The following NEBL variants were observed in gnomAD, a reference collection of about 807,000 sequenced individuals.
NEBL encodes LIM and SH3 protein 2.
Under a neutral mutation model 140.2 loss-of-function variants are expected in NEBL, and 122 were observed. The observed-to-expected ratio is 0.87, with a 90% confidence interval of 0.75 to 1.01. The LOEUF is 1.01. Ranked by LOEUF, NEBL falls within the 50% of genes least tolerant of loss-of-function variation. NEBL has a pLI of 0.00. For synonymous variants in NEBL, 436 were observed against 398.9 expected (o/e 1.09, Z -1.11); for missense variants, 1,365 against 1,231.3 (o/e 1.11, Z -1.62).
At chr10:21,103,290 T>A (rs186143097) in intron 2 of NEBL, among the ~76,000 whole-genome samples, 1 of 151,086 alleles carries the variant, frequency 6.6e-6, no homozygotes, top group African/African-American at 2.4e-5. Context: ...CTCGGCCCAC[T>A]GCAAGCTCCG....
At chr10:21,046,136 A>G (rs557538865) in intron 2 of NEBL, among the ~76,000 whole-genome samples, 89 of 152,340 alleles carry the variant, frequency 5.8e-4, no homozygotes, top group Admixed American at 4.7e-3. Context: ...GCACAGAAAG[A>G]TAAATACCAC....
intron 3 of NEBL, among the ~76,000 whole-genome samples, chr10:21,206,979 T>C (rs1247972603): frequency 1.4e-5 from 2 of 144,298 alleles, no homozygotes; most frequent in South Asian, 2.2e-4. Context: ...TTTTTTTTTT[T>C]TTTTTTTTTT....
intron 2 of NEBL, among the ~76,000 whole-genome samples, chr10:21,064,740 T>G (rs984674643): frequency 6.6e-6 from 1 of 152,150 alleles, no homozygotes; most frequent in Non-Finnish European, 1.5e-5. Flanking sequence ...TAATTAGAAA[T>G]GCAATGTAAA....
At chr10:21,100,105 C>T (rs977178295) in intron 2 of NEBL, among the ~76,000 whole-genome samples, 1 of 152,186 alleles carries the variant, frequency 6.6e-6, no homozygotes, top group Non-Finnish European at 1.5e-5. Flanking sequence ...CCCACTCAGT[C>T]AAAAACTTCC....
At chr10:21,091,190 G>A (rs1004481889) in intron 2 of NEBL, among the ~76,000 whole-genome samples, 13 of 152,100 alleles carry the variant, frequency 8.5e-5, no homozygotes, top group Non-Finnish European at 4.4e-5. Context: ...AAACAAGTTC[G>A]TGTTTCACAT....
At chr10:21,083,748 G>C (rs538858784) in intron 2 of NEBL, among the ~76,000 whole-genome samples, 3 of 152,320 alleles carry the variant, frequency 2.0e-5, no homozygotes, top group Admixed American at 1.3e-4. Context: ...AGGAGGCTGA[G>C]GCAAGAGGAT....
intron 3 of NEBL, among the ~76,000 whole-genome samples, chr10:20,990,948 T>C (rs1837432480): frequency 1.3e-5 from 2 of 152,152 alleles, no homozygotes; most frequent in African/African-American, 4.8e-5. Flanking sequence ...CACTACTCAG[T>C]CCACAAACCT....
chr10:20,799,898 C>A (rs149323613), intron 26 of NEBL, among the ~76,000 whole-genome samples: 4 of 151,760 alleles, frequency 2.6e-5, no homozygotes, highest in Non-Finnish European at 4.4e-5. Context: ...TATAGTGAAG[C>A]AAATTATCAT....
chr10:20,992,492 G>T (rs1395036199), intron 3 of NEBL, among the ~76,000 whole-genome samples: 1 of 152,154 alleles, frequency 6.6e-6, no homozygotes, highest in African/African-American at 2.4e-5. Context: ...GGGCTCAAGG[G>T]TGGCACAGGC....
chr10:21,168,779 T>C (rs1004635043), intron 2 of NEBL, among the ~76,000 whole-genome samples: 16 of 151,836 alleles, frequency 1.1e-4, no homozygotes, highest in Admixed American at 2.6e-4. Context: ...CCGGGCGCGG[T>C]GGCTCATGCC....
chr10:20,827,720 C>T (rs558808876), intron 17 of NEBL, among the ~76,000 whole-genome samples: 20 of 152,244 alleles, frequency 1.3e-4, no homozygotes, highest in African/African-American at 3.9e-4. Flanking sequence ...GGTACATATA[C>T]ACCACAGAAT....
intron 4 of NEBL, among the ~76,000 whole-genome samples, chr10:20,938,278 C>G (rs973762053): frequency 6.6e-6 from 1 of 152,224 alleles, no homozygotes; most frequent in Non-Finnish European, 1.5e-5. Flanking sequence ...ATTTGCTGCT[C>G]ACCAATGTCT....
At chr10:20,973,814 A>C (rs1428267633) in intron 3 of NEBL, among the ~76,000 whole-genome samples, 1 of 152,214 alleles carries the variant, frequency 6.6e-6, no homozygotes, top group Non-Finnish European at 1.5e-5. Flanking sequence ...AAACTCTAAG[A>C]CATCAAACTT....
At chr10:20,910,593 C>G (rs905702569) in intron 4 of NEBL, among the ~76,000 whole-genome samples, 2 of 152,136 alleles carry the variant, frequency 1.3e-5, no homozygotes, top group Non-Finnish European at 2.9e-5. Flanking sequence ...GGAAGGGCCA[C>G]ATTTGGGGTG....
intron 26 of NEBL, among the ~76,000 whole-genome samples, chr10:20,796,409 T>A (rs1482815789): frequency 6.8e-6 from 1 of 147,546 alleles, no homozygotes; most frequent in Non-Finnish European, 1.5e-5. Flanking sequence ...TCTAAAATAT[T>A]ATCTTGGGGA....
rs555194615 is a variant in NEBL, at chr10:21,283,332, G to A, written n.182+9498C>T. ...AAAGGGGAGGCATGAATAATCCACC[G>A]CTTGTTTAGCATATCATCAAGAAAT... On this transcript the variant is annotated intron_variant and non_coding_transcript_variant, in intron 1 of 8. Transcript: ENST00000675702. 5.3e-5 allele frequency among the ~76,000 whole-genome samples: 8 copies of A among 152,206 alleles called. No homozygotes were observed. The South Asian group carries it at 1.0e-3, about 20-fold the overall frequency.
intron 2 of NEBL, among the ~76,000 whole-genome samples, chr10:21,081,921 T>A (rs934307233): frequency 6.6e-6 from 1 of 152,064 alleles, no homozygotes; most frequent in African/African-American, 2.4e-5. Flanking sequence ...TCTATACCAA[T>A]AAAAATAAAA....
chr10:20,808,366 T>A, intron 26 of NEBL, 144 bp downstream of exon 26: 1 of 833,298 alleles, frequency 1.2e-6, no homozygotes, highest in African/African-American at 1.7e-5. Context: ...AAAAAAAGAC[T>A]ATTAACTTTC....
At chr10:21,100,173 T>C (rs368541073) in intron 2 of NEBL, among the ~76,000 whole-genome samples, 2 of 152,102 alleles carry the variant, frequency 1.3e-5, no homozygotes, top group Admixed American at 6.5e-5. Flanking sequence ...CTAATTAACC[T>C]CTGCTGCTGT....
Sources: allele counts gnomAD v4.1 joint callset (sites outside exome capture counted in the v4.1 genomes callset), GRCh38; gene constraint gnomAD v4.1.1; transcripts MANE v1.5; gene names NCBI Gene and HGNC (gene_info 2026-07-23, HGNC 2026-07-21).